The following PDE1B variants were observed in gnomAD, a reference collection of about 807,000 sequenced individuals.
PDE1B encodes the protein dual specificity calcium/calmodulin-dependent 3',5'-cyclic nucleotide phosphodiesterase 1B.
PDE1B carries 13 observed loss-of-function variants against 66.7 expected under a neutral mutation model. That is an observed-to-expected ratio of 0.19 (90% CI 0.13 to 0.31). The LOEUF (loss-of-function observed/expected upper bound fraction) is 0.31, where lower values mean the gene tolerates loss of function less well. PDE1B is among the 10% of genes least tolerant of loss of function. The probability of loss-of-function intolerance (pLI) is 1.00; values close to 1 mark genes in which losing one functional copy is unlikely to be tolerated. For synonymous variants in PDE1B, 230 were observed against 253.9 expected (o/e 0.91, Z 0.90); for missense variants, 485 against 682.3 (o/e 0.71, Z 3.22).
intron 3 of PDE1B, among the ~76,000 whole-genome samples, chr12:54,568,071 G>T (rs1167539433): frequency 6.6e-6 from 1 of 152,090 alleles, no homozygotes; most frequent in Non-Finnish European, 1.5e-5. Flanking sequence ...GGTCAGGCTG[G>T]TCTCGAACTC....
At chr12:54,572,411 A>G (rs1281342077) in intron 6 of PDE1B, 190 bp from the exon 7 acceptor site, 1 of 643,262 alleles carries the variant, frequency 1.6e-6, no homozygotes, top group Non-Finnish European at 2.8e-6. Flanking sequence ...ACAGAGAGGC[A>G]TGTGACTTAC....
At chr12:54,565,415 G>A (rs1170147253) in intron 2 of PDE1B, among the ~76,000 whole-genome samples, 1 of 152,194 alleles carries the variant, frequency 6.6e-6, no homozygotes, top group Non-Finnish European at 1.5e-5. Flanking sequence ...TCTGGGCGGG[G>A]TACTCTGGGA....
At chr12:54,576,769 A>AT in intron 14 of PDE1B, 68 bp downstream of exon 14, 1 of 1,506,900 alleles carries the variant, frequency 6.6e-7, no homozygotes, top group Non-Finnish European at 9.0e-7. Flanking sequence ...TAGGAGGTCC[A>AT]TTTTTCTTAA....
chr12:54,574,089 T>C lies in PDE1B; in HGVS notation c.1064+380T>C. ...TCTGAAATGGTGAAAATGATACGCC[T>C]CCCCCCACAACAGCTTGCCCCTAGT... On this transcript the variant is annotated intron_variant, in intron 10 of 15. Transcript: ENST00000243052. The C allele has an allele frequency of 2.3e-5, 5 of 219,048 alleles. No individual in the cohort carries two copies. In the South Asian group the frequency reaches 2.3e-4, roughly 10 times the overall value. 13.6% of individuals were successfully genotyped at this position (219,048 alleles called of 1,614,324 possible).
In PDE1B at chr12:54,561,644, G is replaced by A. The variant is rs1957414310; in HGVS notation, c.114-5330G>A. On this transcript the variant is annotated intron_variant, in intron 2 of 15. Coordinates refer to ENST00000243052, the MANE Select transcript of PDE1B (RefSeq NM_000924.4). ...TCCAGGGCCCCATTCTCAGGTAGGT[G>A]CCAGGGATGAGAAGAGGAAGGGGGA... 3 of 1,532,142 alleles carry A rather than the reference G, an allele frequency of 2.0e-6. No individual in the cohort carries two copies. In the African/African-American group the frequency reaches 4.1e-5, roughly 21 times the overall value. 94.9% of individuals were successfully genotyped at this position (1,532,142 alleles called of 1,614,324 possible).
chr12:54,560,467 C>T (rs1014131224), intron 2 of PDE1B, among the ~76,000 whole-genome samples: 1 of 152,222 alleles, frequency 6.6e-6, no homozygotes, highest in Non-Finnish European at 1.5e-5. Context: ...GATCCCTGAA[C>T]TCTTTTCCCC....
intron 2 of PDE1B, among the ~76,000 whole-genome samples, chr12:54,559,486 G>C (rs1219555980): frequency 6.6e-6 from 1 of 152,062 alleles, no homozygotes; most frequent in African/African-American, 2.4e-5. Context: ...AGAGTGTGGG[G>C]TGTGTGTATA....
In PDE1B at chr12:54,578,778, A is replaced by G. The variant is rs1325174277; in HGVS notation, c.*936A>G. On this transcript the variant is annotated 3_prime_UTR_variant, in exon 16 of 16. Transcript: ENST00000243052. ...CAAGGGTGCCTGGGGAGGGTGAGTA[A>G]TCCTGCATTGCTAAAAGAGAGGGTC... The G allele has an allele frequency of 6.6e-6, 1 of 152,196 alleles. No homozygotes were observed. Among genetic ancestry groups the G allele is most frequent in the Non-Finnish European group, 1.5e-5 (1 of 68,132 alleles). The allele number at this position is 152,196 out of a possible 1,614,324, so 9.4% of individuals were successfully genotyped here.
intron 14 of PDE1B, 110 bp downstream of exon 14, chr12:54,576,811 GAT>G: frequency 1.7e-6 from 2 of 1,175,034 alleles, no homozygotes; most frequent in South Asian, 2.8e-5. Context: ...CGGACTCCTT[GAT>G]TTGGGAGTGG....
rs765777703 is a variant in PDE1B, at chr12:54,573,327, G to C, written c.837-28G>C. Reference sequence around the variant, plus strand: ...TTGCCGGAGTCCCTCCTTACAGGGGGTGGTCATGATGACCTTTGGCTTTGT... The same window carrying C: ...TTGCCGGAGTCCCTCCTTACAGGGGCTGGTCATGATGACCTTTGGCTTTGT... On this transcript the variant is annotated intron_variant, in intron 8 of 15. Transcript: ENST00000243052. The surrounding 1 kb of genome is among the most constrained non-coding windows in gnomAD (Gnocchi z 5.2). The C allele has an allele frequency of 3.1e-6, 5 of 1,614,108 alleles. No homozygotes were observed. The highest frequency in any genetic ancestry group is 4.2e-6 in the Non-Finnish European group (5 of 1,179,978).
At chr12:54,557,489 C>T (rs1957356520) in intron 2 of PDE1B, among the ~76,000 whole-genome samples, 1 of 152,198 alleles carries the variant, frequency 6.6e-6, no homozygotes, top group African/African-American at 2.4e-5. Flanking sequence ...AAGCATCCTA[C>T]TTCCCCAGTG....
At chr12:54,562,433 G>A (rs1957434233) in intron 2 of PDE1B, among the ~76,000 whole-genome samples, 1 of 152,186 alleles carries the variant, frequency 6.6e-6, no homozygotes, top group Non-Finnish European at 1.5e-5. Flanking sequence ...CAGGGATGGA[G>A]TTCGAAGGAA....
rs2121189036 is a variant in PDE1B at position 54,578,644 on chromosome 12, C to T, written c.*802C>T. 6.6e-6 allele frequency: 1 copy of T among 152,300 alleles called. No individual in the cohort carries two copies. The highest frequency in any genetic ancestry group is 1.5e-5 in the Non-Finnish European group (1 of 68,086). 9.4% of individuals were successfully genotyped at this position (152,300 alleles called of 1,614,324 possible). Reference sequence around the variant, plus strand: ...TGAGTCCGGAGCCCTTTGCCTCCTTCCTCTCCCCTGGGGCTGGGAGGCTCC... The same window carrying T: ...TGAGTCCGGAGCCCTTTGCCTCCTTTCTCTCCCCTGGGGCTGGGAGGCTCC... On this transcript the variant is annotated 3_prime_UTR_variant, in exon 16 of 16. Transcript: ENST00000243052.
At chr12:54,572,787 T>C in intron 7 of PDE1B, 46 bp downstream of exon 7, 1 of 1,588,154 alleles carries the variant, frequency 6.3e-7, no homozygotes, top group Non-Finnish European at 8.6e-7. Context: ...GGCCTATGGC[T>C]ACAGAACTGG....
intron 13 of PDE1B, chr12:54,576,345 A>C (rs1238433231): frequency 3.3e-6 from 2 of 614,930 alleles, no homozygotes; most frequent in African/African-American, 1.8e-5. Context: ...CCTTCTGGCT[A>C]ATCTTGTTTT....
chr12:54,561,229 C>T (rs1343939841), intron 2 of PDE1B, among the ~76,000 whole-genome samples: 2 of 152,176 alleles, frequency 1.3e-5, no homozygotes, highest in Non-Finnish European at 2.9e-5. Flanking sequence ...TCTTGCTAAC[C>T]CCCTTTTTCC....
Position 54,577,228 on chromosome 12 carries a change from TCAC to T in PDE1B, c.1514_1516del (p.Thr505del). ...CCTCCTTTATGCTCCTCTACAGGCA[TCAC>T]CAACCAGATGTCCATTGACGAGCTG... On this transcript the variant is annotated inframe_deletion, in exon 15 of 16. Coordinates refer to ENST00000243052, the MANE Select transcript of PDE1B (RefSeq NM_000924.4). The T allele has an allele frequency of 6.2e-7, 1 of 1,613,676 alleles. No individual in the cohort carries two copies. Among genetic ancestry groups the T allele is most frequent in the Non-Finnish European group, 8.5e-7 (1 of 1,179,714 alleles).
rs372424493 is a variant in PDE1B, at chr12:54,578,040, G to A, written c.*198G>A. 2 of 152,634 alleles carry A rather than the reference G, an allele frequency of 1.3e-5. No individual in the cohort carries two copies. The highest frequency in any genetic ancestry group is 4.8e-5 in the African/African-American group (2 of 41,598). 9.5% of individuals were successfully genotyped at this position (152,634 alleles called of 1,614,324 possible). A position where few individuals can be genotyped will look rare whatever the true frequency, so the allele number is the denominator to read the frequency against. Reference sequence around the variant, plus strand: ...GACACCCACTGGGGTGCACTTTAATGTTCCGGCAGCAAGACTGGGGAACTT... The same window carrying A: ...GACACCCACTGGGGTGCACTTTAATATTCCGGCAGCAAGACTGGGGAACTT... On this transcript the variant is annotated 3_prime_UTR_variant, in exon 16 of 16. Coordinates refer to ENST00000243052, the MANE Select transcript of PDE1B (RefSeq NM_000924.4).
chr12:54,575,691 G>C lies in PDE1B; in HGVS notation c.1267+59G>C. ...GGGAGGGGGAAAAGATGCTGCCTGGGTCAGGATTGCTCCAAGTCCTCAATC... is the reference window on the plus strand; with the variant it reads ...GGGAGGGGGAAAAGATGCTGCCTGGCTCAGGATTGCTCCAAGTCCTCAATC... On this transcript the variant is annotated intron_variant, in intron 12 of 15. Transcript: ENST00000243052. This position sits in a 1 kb window ranked among gnomAD's most constrained non-coding sequence, Gnocchi z 4.0. 8.2e-7 allele frequency: 1 copy of C among 1,223,856 alleles called. No homozygotes were observed. The highest frequency in any genetic ancestry group is 1.2e-6 in the Non-Finnish European group (1 of 833,024). 75.8% of individuals were successfully genotyped at this position (1,223,856 alleles called of 1,614,324 possible).
Sources: gnomAD v4.1 joint callset for allele counts (sites outside exome capture counted in the v4.1 genomes callset) on GRCh38, gnomAD v4.1.1 for gene constraint, Gnocchi (gnomAD v3.1) non-coding constraint, MANE v1.5 for transcripts, NCBI Gene and HGNC (gene_info 2026-07-23, HGNC 2026-07-21) for gene names.